The following GIPC2 variants were observed in gnomAD, a reference collection of about 807,000 sequenced individuals.
The protein encoded by GIPC2 is PDZ domain-containing protein GIPC2.
A neutral mutation model predicts 30.6 loss-of-function variants in GIPC2; 30 were observed. The ratio of observed to expected loss-of-function variants is 0.98; its 90% confidence interval spans 0.73 to 1.33. The LOEUF is 1.33. Ranked by LOEUF, GIPC2 falls within the 40% of genes most tolerant of loss-of-function variation. GIPC2 has a pLI of 0.00. For synonymous variants in GIPC2, 167 were observed against 150.0 expected, an observed-to-expected ratio of 1.11 and a Z score of -0.83; for missense variants, 414 against 390.3, an observed-to-expected ratio of 1.06 and a Z score of -0.51.
intron 1 of GIPC2, among the ~76,000 whole-genome samples, chr1:78,075,554 T>C (rs1661703552): frequency 6.6e-6 from 1 of 152,232 alleles, no homozygotes; most frequent in African/African-American, 2.4e-5. Flanking sequence ...TGCTTTGCCA[T>C]TCTTGGCATT....
At chr1:78,130,104 CT>C (rs752502793) in intron 5 of GIPC2, among the ~76,000 whole-genome samples, 2,295 of 117,134 alleles carry the variant, frequency 0.02, 48 homozygotes, top group African/African-American at 0.063. Context: ...CCTAGGATCA[CT>C]TTTTTTTTTT....
At chr1:78,129,979 CT>C (rs1557552959) in intron 5 of GIPC2, among the ~76,000 whole-genome samples, 3 of 147,618 alleles carry the variant, frequency 2.0e-5, no homozygotes, top group Middle Eastern at 3.5e-3. Flanking sequence ...TTTTTTTTTT[CT>C]TTTTAAAAAT....
chr1:78,107,824 C>CAAAAAAAAAAAAAAAAAAAAAAAAAAA (rs35134592), intron 3 of GIPC2, among the ~76,000 whole-genome samples: 1 of 28,744 alleles, frequency 3.5e-5, no homozygotes, highest in African/African-American at 1.3e-4. Flanking sequence ...AACTCTGTCT[C>CAAAAAAAAAAAAAAAAAAAAAAAAAAA]AAAAAAAAAA....
At position 78,080,720 on chromosome 1, in the gene GIPC2, C is replaced by A. The variant is rs1426373824; in HGVS notation, c.286C>A (p.Leu96Ile). ...LNTPKIDMER[L>I]LGGQLGLEDF... ...CACACCTAAAATTGACATGGAAAGA[C>A]TCTTAGGAGGACAACTAGGACTAGA... The change falls in exon 2 of 6, where the codon CTC becomes ATC. Residue 96 changes from leucine to isoleucine, a missense_variant. Coordinates refer to ENST00000370759, the MANE Select transcript of GIPC2 (RefSeq NM_017655.6). 1 of 1,609,512 alleles carries A rather than the reference C, an allele frequency of 6.2e-7. No homozygotes were observed. Among genetic ancestry groups the A allele is most frequent in the Non-Finnish European group, 8.5e-7 (1 of 1,176,144 alleles).
At chr1:78,126,601 C>T (rs1011013781) in intron 5 of GIPC2, among the ~76,000 whole-genome samples, 1 of 152,092 alleles carries the variant, frequency 6.6e-6, no homozygotes, top group African/African-American at 2.4e-5. Context: ...AAGTCTAGCG[C>T]TAGACCTTGG....
chr1:78,099,933 C>T (rs1367518016), intron 3 of GIPC2, among the ~76,000 whole-genome samples: 2 of 152,004 alleles, frequency 1.3e-5, no homozygotes, highest in Admixed American at 6.6e-5. Context: ...TAGGTGGTGG[C>T]GTCACAGGAA....
At chr1:78,051,838 G>A (rs904275628) in intron 1 of GIPC2, among the ~76,000 whole-genome samples, 1 of 152,162 alleles carries the variant, frequency 6.6e-6, no homozygotes, top group Non-Finnish European at 1.5e-5. Flanking sequence ...TCACAAGCAT[G>A]CTGTTATTTC....
chr1:78,049,626 C>A (rs1202421746), intron 1 of GIPC2, among the ~76,000 whole-genome samples: 3 of 152,196 alleles, frequency 2.0e-5, no homozygotes, highest in Non-Finnish European at 4.4e-5. Context: ...AGGGAAAAGA[C>A]TTGATGTCAA....
intron 1 of GIPC2, among the ~76,000 whole-genome samples, chr1:78,073,042 C>G (rs1429318041): frequency 1.3e-5 from 2 of 150,968 alleles, no homozygotes; most frequent in African/African-American, 4.9e-5. Flanking sequence ...ATCTCCTGAC[C>G]TTGTGATCCG....
chr1:78,055,283 C>G (rs942859166), intron 1 of GIPC2, among the ~76,000 whole-genome samples: 6 of 152,108 alleles, frequency 3.9e-5, no homozygotes, highest in African/African-American at 1.4e-4. Context: ...TCCCAAAGAC[C>G]CCACCTCCAA....
chr1:78,091,775 G>C (rs2100368892), intron 2 of GIPC2: 1 of 776,490 alleles, frequency 1.3e-6, no homozygotes, highest in African/African-American at 1.7e-5. Context: ...ACAGAAGAGG[G>C]AGGATACTGT....
At position 78,112,959 on chromosome 1, in the gene GIPC2, C is replaced by T. The variant is rs1029572030; in HGVS notation, c.608-6434C>T. On this transcript the variant is annotated intron_variant, in intron 3 of 5. Transcript: ENST00000370759. The stretch of plus-strand genomic sequence containing the variant: ...ATGGGTACACGAAAAGCCCAGACTT[C>T]ACCACTAGCAGCATATGCATGTAAG... 5.9e-5 allele frequency among the ~76,000 whole-genome samples: 9 copies of T among 152,144 alleles called. 1 individual carries two copies. The highest frequency in any genetic ancestry group is 2.2e-4 in the African/African-American group (9 of 41,436).
At chr1:78,068,596 C>T (rs1432024635) in intron 1 of GIPC2, among the ~76,000 whole-genome samples, 1 of 152,190 alleles carries the variant, frequency 6.6e-6, no homozygotes, top group Non-Finnish European at 1.5e-5. Context: ...TCTATAATTA[C>T]TCTGGAACAA....
chr1:78,080,859 A>T lies in GIPC2; in HGVS notation c.425A>T (p.Lys142Met). 1 of 1,568,710 alleles carries T rather than the reference A, an allele frequency of 6.4e-7. No homozygotes were observed. Residue 142 changes from lysine to methionine, a missense_variant and splice_region_variant, in exon 2 of 6, where the codon AAG (lysine) becomes ATG (methionine). Coordinates refer to ENST00000370759, the MANE Select transcript of GIPC2 (RefSeq NM_017655.6). ...TDNGVGYAFI[K>M]RIKDGGVIDS... is the part of the protein sequence containing the mutation. ...AATGGTGTTGGCTATGCTTTTATAA[A>T]GGTAAGTTTTAAAAAATAACAGTGT...
In GIPC2 at chr1:78,124,041, A is replaced by G. The variant is rs546023946; in HGVS notation, c.715-1840A>G. Among the ~76,000 whole-genome samples the G allele has an allele frequency of 2.6e-5, 4 of 152,356 alleles. No homozygotes were observed. The South Asian group carries it at 8.3e-4, about 32-fold the overall frequency. On this transcript the variant is annotated intron_variant, in intron 4 of 5. Coordinates refer to ENST00000370759, the MANE Select transcript of GIPC2 (RefSeq NM_017655.6). ...AAAATTTGAGACTACAAAACAACAT[A>G]TATTTATAACAGTATTGAAAGTAAC...
chr1:78,123,823 G>T (rs570218778), intron 4 of GIPC2, among the ~76,000 whole-genome samples: 3 of 152,170 alleles, frequency 2.0e-5, no homozygotes, highest in Non-Finnish European at 2.9e-5. Context: ...AGATATAAAG[G>T]TTAATACCTG....
At chr1:78,096,063 C>T (rs1366665815) in intron 3 of GIPC2, among the ~76,000 whole-genome samples, 1 of 152,180 alleles carries the variant, frequency 6.6e-6, no homozygotes, top group African/African-American at 2.4e-5. Context: ...CTTCTACATG[C>T]TTCTGCACCA....
Position 78,051,831 on chromosome 1 carries a change from C to G in GIPC2, c.240+5497C>G, listed in dbSNP as rs890625300. On this transcript the variant is annotated intron_variant, in intron 1 of 5. Transcript: ENST00000370759. ...TTTTTAAGGTGAGATTTTATCCTCACAAGCATGCTGTTATTTCTCTTAAAC... is the reference window on the plus strand; with the variant it reads ...TTTTTAAGGTGAGATTTTATCCTCAGAAGCATGCTGTTATTTCTCTTAAAC... 5.3e-5 allele frequency among the ~76,000 whole-genome samples: 8 copies of G among 152,184 alleles called. No homozygotes were observed. In the East Asian group the frequency reaches 1.5e-3, roughly 29 times the overall value.
chr1:78,078,965 C>G (rs1032078861), intron 1 of GIPC2, among the ~76,000 whole-genome samples: 7 of 152,100 alleles, frequency 4.6e-5, no homozygotes, highest in Admixed American at 6.5e-5. Flanking sequence ...CTCCCTCAAC[C>G]CATTCACAGT....
Sources: gnomAD v4.1 joint callset for allele counts (sites outside exome capture counted in the v4.1 genomes callset) on GRCh38, gnomAD v4.1.1 for gene constraint, MANE v1.5 for transcripts, NCBI Gene and HGNC (gene_info 2026-07-23, HGNC 2026-07-21) for gene names.